Variants in BTBD9 observed in about 807,000 individuals in gnomAD.
BTBD9 encodes the protein BTB/POZ domain-containing protein 9.
A neutral mutation model predicts 64.3 loss-of-function variants in BTBD9; 49 were observed. The observed-to-expected ratio is 0.76, with a 90% CI of 0.61 to 0.97. The LOEUF (loss-of-function observed/expected upper bound fraction) is 0.97. Among genes scored for constraint, BTBD9 ranks in the 50% least tolerant of loss-of-function variants. The pLI is 0.00. For missense variants in BTBD9, 598 were observed against 762.1 expected (o/e 0.78, Z 2.53); for synonymous variants, 260 against 274.7 (o/e 0.95, Z 0.53).
intron 9 of BTBD9, among the ~76,000 whole-genome samples, chr6:38,208,013 C>A (rs1393710239): frequency 6.6e-6 from 1 of 151,436 alleles, no homozygotes; most frequent in Admixed American, 6.6e-5. Context: ...AAAAGCAGAG[C>A]CTAAGAAAGG....
intron 1 of BTBD9, among the ~76,000 whole-genome samples, chr6:38,630,281 C>T (rs1582742457): frequency 6.7e-6 from 1 of 150,060 alleles, no homozygotes. Context: ...TTTTGTTTCA[C>T]TTTGTTCTTG....
rs553719575 is a variant in BTBD9 at position 38,523,096 on chromosome 6, T to A, written c.1154+54504A>T. On this transcript the variant is annotated intron_variant, in intron 6 of 10. Coordinates refer to ENST00000481247, the MANE Select transcript of BTBD9 (RefSeq NM_001099272.2). ...TACTCAGGAGGCTGAGGAAGGAGAA[T>A]CACCTGAACCCAGAAGATGGAGGTT... 3.9e-5 allele frequency among the ~76,000 whole-genome samples: 6 copies of A among 152,162 alleles called. No homozygotes were observed. In the East Asian group the frequency reaches 1.2e-3, roughly 29 times the overall value.
chr6:38,459,660 T>C (rs1203068387), intron 6 of BTBD9, among the ~76,000 whole-genome samples: 6 of 152,186 alleles, frequency 3.9e-5, no homozygotes, highest in African/African-American at 7.2e-5. Flanking sequence ...ACTTTTGTTA[T>C]GCTAAGTTAC....
intron 6 of BTBD9, among the ~76,000 whole-genome samples, chr6:38,524,984 C>T (rs1036753307): frequency 6.6e-6 from 1 of 152,084 alleles, no homozygotes; most frequent in African/African-American, 2.4e-5. Context: ...TGAGATGACT[C>T]ACCCTTAGTA....
chr6:38,383,028 C>T (rs9394493), intron 6 of BTBD9, among the ~76,000 whole-genome samples: 55,597 of 151,956 alleles, frequency 0.37, 12,289 homozygotes, highest in East Asian at 0.82. Flanking sequence ...TACTCTTCAA[C>T]GCATTTTATG....
intron 1 of BTBD9, among the ~76,000 whole-genome samples, chr6:38,623,822 G>A (rs527812657): frequency 6.6e-6 from 1 of 152,264 alleles, no homozygotes; most frequent in Admixed American, 6.5e-5. Flanking sequence ...GCTACAGATG[G>A]TCTTACAAAT....
At chr6:38,361,407 G>A (rs1764952141) in intron 6 of BTBD9, among the ~76,000 whole-genome samples, 2 of 152,056 alleles carry the variant, frequency 1.3e-5, no homozygotes, top group Non-Finnish European at 2.9e-5. Flanking sequence ...AAATTAGCTA[G>A]GAGTGGTGGC....
chr6:38,469,989 T>C (rs981117541), intron 6 of BTBD9, among the ~76,000 whole-genome samples: 1 of 152,154 alleles, frequency 6.6e-6, no homozygotes, highest in Non-Finnish European at 1.5e-5. Flanking sequence ...GTAAAATACT[T>C]CCTCAGAAAA....
chr6:38,537,059 T>G (rs1302225596), intron 6 of BTBD9, among the ~76,000 whole-genome samples: 1 of 152,196 alleles, frequency 6.6e-6, no homozygotes, highest in Non-Finnish European at 1.5e-5. Flanking sequence ...ACACATTGTA[T>G]GCCTGTATCA....
At chr6:38,295,643 C>G (rs1762132672) in intron 7 of BTBD9, among the ~76,000 whole-genome samples, 1 of 152,090 alleles carries the variant, frequency 6.6e-6, no homozygotes, top group Admixed American at 6.6e-5. Flanking sequence ...ATAAATATGA[C>G]TAATTTCCCC....
rs57040303 is a variant in BTBD9, at chr6:38,368,336, T to A, written c.1155-23243A>T. 2.6e-5 allele frequency among the ~76,000 whole-genome samples: 4 copies of A among 152,190 alleles called. No homozygotes were observed. The South Asian group carries it at 8.3e-4, about 32-fold the overall frequency. ...GCGCTATACTAGAGCTCCTTTACCC[T>A]TTTTTTAGGGGGCGGGGGAATGGAG... On this transcript the variant is annotated intron_variant, in intron 6 of 10. Coordinates refer to ENST00000481247, the MANE Select transcript of BTBD9 (RefSeq NM_001099272.2).
intron 6 of BTBD9, among the ~76,000 whole-genome samples, chr6:38,507,173 A>G (rs987516877): frequency 6.6e-6 from 1 of 152,208 alleles, no homozygotes; most frequent in Non-Finnish European, 1.5e-5. Flanking sequence ...ATTCCTGACC[A>G]CAGCTTGCTG....
chr6:38,300,379 T>A (rs915608807), intron 7 of BTBD9, among the ~76,000 whole-genome samples: 7 of 152,348 alleles, frequency 4.6e-5, no homozygotes, highest in African/African-American at 1.4e-4. Flanking sequence ...AAGTAGTTTT[T>A]TTCCAATTCT....
At chr6:38,618,599 G>A (rs1394335097) in intron 1 of BTBD9, among the ~76,000 whole-genome samples, 2 of 152,100 alleles carry the variant, frequency 1.3e-5, no homozygotes, top group Non-Finnish European at 2.9e-5. Context: ...TATCGGTTAT[G>A]TCCCCTTCAA....
At chr6:38,550,447 G>C (rs1774747361) in intron 6 of BTBD9, among the ~76,000 whole-genome samples, 1 of 151,640 alleles carries the variant, frequency 6.6e-6, no homozygotes, top group African/African-American at 2.4e-5. Flanking sequence ...CTCCCAAGTA[G>C]CTGGGACTAC....
Position 38,588,097 on chromosome 6 carries a change from T to G in BTBD9, c.814+4479A>C, listed in dbSNP as rs1776624373. 4.1e-6 allele frequency: 3 copies of G among 734,616 alleles called. No individual in the cohort carries two copies. The East Asian group carries it at 7.3e-5, about 18-fold the overall frequency. 45.5% of individuals were successfully genotyped at this position (734,616 alleles called of 1,614,324 possible). ...AGTACCAGCAACAGGCTAGCTATGG[T>G]GCACCGTGTCTGCGGGCTCTACCTC... On this transcript the variant is annotated intron_variant, in intron 4 of 10. Coordinates refer to ENST00000481247, the MANE Select transcript of BTBD9 (RefSeq NM_001099272.2).
At chr6:38,381,989 G>A (rs990078796) in intron 6 of BTBD9, among the ~76,000 whole-genome samples, 9 of 152,188 alleles carry the variant, frequency 5.9e-5, no homozygotes, top group South Asian at 2.1e-4. Flanking sequence ...TAAAAATAGT[G>A]TAGTAAGAGA....
intron 6 of BTBD9, among the ~76,000 whole-genome samples, chr6:38,522,160 T>C (rs1247753125): frequency 6.6e-6 from 1 of 152,148 alleles, no homozygotes; most frequent in Non-Finnish European, 1.5e-5. Context: ...GTTCATTCCA[T>C]CTCCCTCTCC....
intron 6 of BTBD9, among the ~76,000 whole-genome samples, chr6:38,468,033 C>T (rs562601043): frequency 5.0e-4 from 76 of 152,030 alleles, no homozygotes; most frequent in Non-Finnish European, 1.0e-3. Context: ...TTTCTGAATT[C>T]CAATTTCTCT....
Sources: gnomAD v4.1 joint callset for allele counts (sites outside exome capture counted in the v4.1 genomes callset) on GRCh38, gnomAD v4.1.1 for gene constraint, MANE v1.5 for transcripts, NCBI Gene and HGNC (gene_info 2026-07-23, HGNC 2026-07-21) for gene names.